TRIM14: variants seen among roughly 807,000 people sequenced by gnomAD.
TRIM14 encodes tripartite motif containing 14, also known as tripartite motif-containing protein 14.
TRIM14 carries 28 observed loss-of-function variants against 44.5 expected under a neutral mutation model. That is an observed-to-expected ratio of 0.63 (90% CI 0.47 to 0.86). The LOEUF is 0.86. Ranked by LOEUF, TRIM14 falls within the 40% of genes least tolerant of loss-of-function variation. The pLI, the probability that TRIM14 is intolerant of heterozygous loss-of-function variation, is 0.00. For synonymous variants in TRIM14, 299 were observed against 269.2 expected (o/e 1.11, Z -1.08); for missense variants, 607 against 611.1 (o/e 0.99, Z 0.07).
chr9:98,080,977 G>C, downstream of TRIM14: 1 of 1,614,218 alleles, frequency 6.2e-7, no homozygotes, highest in Non-Finnish European at 8.5e-7. Context: ...CCTCGCTGGA[G>C]CCTGGAGAAC....
At chr9:98,100,247 T>C in intron 2 of TRIM14, 83 bp from the exon 3 acceptor site, 1 of 1,310,198 alleles carries the variant, frequency 7.6e-7, no homozygotes. Context: ...AATCATAACG[T>C]CTGAAATGTG....
the TRIM14 span, among the ~76,000 whole-genome samples, chr9:98,048,969 G>A: frequency 3.3e-4 from 50 of 151,402 alleles, no homozygotes; most frequent in Non-Finnish European, 5.2e-4. Flanking sequence ...GCAGAGAGCC[G>A]AGATCATGCC....
At chr9:98,060,778 G>T in the TRIM14 span, 4 of 1,613,896 alleles carry the variant, frequency 2.5e-6, no homozygotes. Flanking sequence ...AATGTGTGTT[G>T]TAGGAGTGTG....
intron 6 of TRIM14, among the ~76,000 whole-genome samples, chr9:98,074,302 T>G (rs1161515185): frequency 6.6e-6 from 1 of 152,096 alleles, no homozygotes; most frequent in Non-Finnish European, 1.5e-5. Context: ...CCACAGACTT[T>G]GTGCTATGGG....
At chr9:98,102,007 CAA>C (rs998993291) in intron 2 of TRIM14, among the ~76,000 whole-genome samples, 34 of 57,690 alleles carry the variant, frequency 5.9e-4, no homozygotes, top group Admixed American at 1.0e-3. Context: ...GACTTTGACT[CAA>C]AAAAAAAAAA....
At chr9:98,042,123 C>A in the TRIM14 span, among the ~76,000 whole-genome samples, 1 of 150,844 alleles carries the variant, frequency 6.6e-6, no homozygotes, top group Non-Finnish European at 1.5e-5. Context: ...GAAACCCTGT[C>A]TCTACTAAAA....
the TRIM14 span, among the ~76,000 whole-genome samples, chr9:98,041,783 C>T: frequency 1.4e-4 from 21 of 150,940 alleles, no homozygotes; most frequent in East Asian, 2.4e-3. Context: ...CCCAGGTTCA[C>T]GCCATTCTCC....
At chr9:98,062,717 G>A in the TRIM14 span, among the ~76,000 whole-genome samples, 1 of 150,740 alleles carries the variant, frequency 6.6e-6, no homozygotes, top group South Asian at 2.1e-4. Flanking sequence ...TATTTCTTTT[G>A]GTGCATGTAC....
downstream of TRIM14, chr9:98,082,083 A>G (rs945979703): frequency 2.0e-5 from 3 of 152,186 alleles, no homozygotes; most frequent in African/African-American, 7.2e-5. Context: ...ATATAGAGTA[A>G]TAAAACACGT....
At chr9:98,039,816 C>T in the TRIM14 span, among the ~76,000 whole-genome samples, 1 of 152,104 alleles carries the variant, frequency 6.6e-6, no homozygotes, top group Non-Finnish European at 1.5e-5. Flanking sequence ...CTTAAAATCT[C>T]TGCTCCCTGA....
chr9:98,056,694 C>G, the TRIM14 span: 2 of 1,432,694 alleles, frequency 1.4e-6, no homozygotes, highest in Non-Finnish European at 1.8e-6. Flanking sequence ...CGCGGGCTGA[C>G]GTGGCGGGGC....
chr9:98,056,978 C>T, the TRIM14 span: 2 of 1,529,470 alleles, frequency 1.3e-6, no homozygotes, highest in African/African-American at 1.4e-5. Flanking sequence ...ATTCGGGCGC[C>T]GGGAGGGGCG....
the TRIM14 span, among the ~76,000 whole-genome samples, chr9:98,053,638 T>TAC: frequency 0.31 from 47,104 of 150,564 alleles, 9,514 homozygotes; most frequent in African/African-American, 0.57. Flanking sequence ...ATGTTTAACA[T>TAC]ACACACACAC....
chr9:98,087,323 T>C lies in TRIM14; in HGVS notation c.*147A>G, dbSNP rs1465540454. ...CTAGGAGAGGAAACCTTCAAAGCACTGTAGGCGTGATTGGTCGGGGAAAGC... is the reference window on the plus strand; with the variant it reads ...CTAGGAGAGGAAACCTTCAAAGCACCGTAGGCGTGATTGGTCGGGGAAAGC... On this transcript the variant is annotated 3_prime_UTR_variant, in exon 6 of 6. Transcript: ENST00000341469. 17 of 1,242,052 alleles carry C rather than the reference T, an allele frequency of 1.4e-5. No homozygotes were observed. The South Asian group carries it at 1.9e-4, about 14-fold the overall frequency. The allele number at this position is 1,242,052 out of a possible 1,614,324, so 76.9% of individuals were successfully genotyped here. A position where few individuals can be genotyped will look rare whatever the true frequency, so the allele number is the denominator to read the frequency against.
chr9:98,111,898 A>G lies in TRIM14; in HGVS notation c.208-1914T>C, dbSNP rs892678513. Reference sequence around the variant, plus strand: ...GGTTGCAGTGAGCCAAGATCACACCATTGCACTCCAACCAGGGCAACAAGA... The same window carrying G: ...GGTTGCAGTGAGCCAAGATCACACCGTTGCACTCCAACCAGGGCAACAAGA... On this transcript the variant is annotated intron_variant, in intron 1 of 5. Transcript: ENST00000341469. 3.3e-5 allele frequency among the ~76,000 whole-genome samples: 5 copies of G among 152,286 alleles called. No homozygotes were observed. In the East Asian group the frequency reaches 9.7e-4, roughly 29 times the overall value.
intron 6 of TRIM14, chr9:98,077,937 G>A: frequency 1.9e-6 from 1 of 513,100 alleles, no homozygotes; most frequent in Non-Finnish European, 3.5e-6. Flanking sequence ...TTGGCAGTGT[G>A]AAATTCCTCT....
At chr9:98,047,149 C>T in the TRIM14 span, among the ~76,000 whole-genome samples, 1 of 152,138 alleles carries the variant, frequency 6.6e-6, no homozygotes, top group East Asian at 1.9e-4. Context: ...TTCCCCCATA[C>T]TGTTCTCATG....
rs1310547709 is a variant in TRIM14 at position 98,087,653 on chromosome 9, C to T, written c.1146G>A (p.Leu382=). The change falls in exon 6 of 6, where the codon CTG becomes CTA. Residue 382 remains leucine (L), a synonymous_variant. Coordinates refer to ENST00000341469, the MANE Select transcript of TRIM14 (RefSeq NM_014788.4). Reference sequence around the variant, plus strand: ...GCCGGTCGAGGTCGTCGCGGGGCCGCAGGCGGCTGCGCTGGCCGTCGTGGA... The same window carrying T: ...GCCGGTCGAGGTCGTCGCGGGGCCGTAGGCGGCTGCGCTGGCCGTCGTGGA... ...WAFHDGQRSR[L]RPRDDLDRLG... 8.7e-6 allele frequency: 14 copies of T among 1,604,032 alleles called. No homozygotes were observed. Among genetic ancestry groups the T allele is most frequent in the Non-Finnish European group, 1.2e-5 (14 of 1,178,560 alleles).
chr9:98,037,920 G>C, the TRIM14 span, among the ~76,000 whole-genome samples: 19 of 152,106 alleles, frequency 1.2e-4, no homozygotes, highest in African/African-American at 4.6e-4. Flanking sequence ...CTTTGAGATG[G>C]GATCTCATAA....
Sources: gnomAD v4.1 joint callset for allele counts (sites outside exome capture counted in the v4.1 genomes callset) on GRCh38, gnomAD v4.1.1 for gene constraint, MANE v1.5 for transcripts, NCBI Gene and HGNC (gene_info 2026-07-23, HGNC 2026-07-21) for gene names.